The following CACNA1E variants were observed in gnomAD, a reference collection of about 807,000 sequenced individuals.
CACNA1E encodes the protein calcium voltage-gated channel subunit alpha1 E.
A neutral mutation model predicts 259.2 loss-of-function variants in CACNA1E; 40 were observed. The ratio of observed to expected loss-of-function variants is 0.15; its 90% confidence interval spans 0.12 to 0.20. The LOEUF (loss-of-function observed/expected upper bound fraction) is 0.20. Ranked by LOEUF, CACNA1E falls within the 10% of genes least tolerant of loss-of-function variation. The pLI is 1.00. For synonymous variants in CACNA1E, 1,104 were observed against 1,138.5 expected (o/e 0.97, Z 0.61); for missense variants, 1,874 against 3,040.1 (o/e 0.62, Z 9.02).
At chr1:181,575,024 C>T (rs1235865037) in intron 3 of CACNA1E, among the ~76,000 whole-genome samples, 4 of 147,504 alleles carry the variant, frequency 2.7e-5, no homozygotes, top group Non-Finnish European at 6.0e-5. Flanking sequence ...GACTCTGTCT[C>T]AAAAAAAAAA....
chr1:181,771,362 G>A lies in CACNA1E; in HGVS notation c.4951G>A (p.Gly1651Arg). 6.3e-7 allele frequency: 1 copy of A among 1,598,020 alleles called. No individual in the cohort carries two copies. The highest frequency in any genetic ancestry group is 8.6e-7 in the Non-Finnish European group (1 of 1,168,610). The change falls in exon 36 of 48, where the codon GGG (glycine) becomes AGG (arginine). Residue 1651 changes from glycine (G) to arginine (R), a missense_variant. Transcript: ENST00000367573. ...NRHNNFRSFF[G>R]SLMLLFRSAT... is the part of the protein sequence containing the mutation. ...GCACAACAACTTCCGGAGTTTCTTT[G>A]GGTCCCTAATGCTACTCTTCAGGTA...
At chr1:181,728,145 G>A (rs1271428777) in intron 18 of CACNA1E, among the ~76,000 whole-genome samples, 1 of 152,104 alleles carries the variant, frequency 6.6e-6, no homozygotes, top group East Asian at 1.9e-4. Context: ...CATGAGTTTG[G>A]GTTAAAAACA....
chr1:181,599,800 A>C (rs1347170037), intron 6 of CACNA1E, among the ~76,000 whole-genome samples: 3 of 152,234 alleles, frequency 2.0e-5, no homozygotes, highest in Non-Finnish European at 4.4e-5. Flanking sequence ...CACAAAGCCT[A>C]TGTTAAATGA....
At chr1:181,676,793 T>C (rs1649423628) in intron 7 of CACNA1E, among the ~76,000 whole-genome samples, 2 of 152,228 alleles carry the variant, frequency 1.3e-5, no homozygotes, top group South Asian at 4.1e-4. Flanking sequence ...ATTAAATCTA[T>C]TAAGTTTTTA....
chr1:181,452,757 A>G (rs1661242205), intron 2 of CACNA1E, among the ~76,000 whole-genome samples: 1 of 152,200 alleles, frequency 6.6e-6, no homozygotes, highest in Non-Finnish European at 1.5e-5. Flanking sequence ...AGATCTAGCA[A>G]AACACTTCTT....
chr1:181,527,209 A>G lies in CACNA1E; in HGVS notation c.512+15699A>G, dbSNP rs536454177. Among the ~76,000 whole-genome samples, 4 of 152,368 alleles carry G rather than the reference A, an allele frequency of 2.6e-5. No homozygotes were observed. The East Asian group carries it at 5.8e-4, about 22-fold the overall frequency. ...ACTGGGAAGTCCATGATCAAAGCAG[A>G]TTCAGTGCCTGGCAAAGGCCCCTTT... On this transcript the variant is annotated intron_variant, in intron 3 of 47. Transcript: ENST00000367573.
At chr1:181,322,582 A>T (rs186170366) in intron 1 of CACNA1E, among the ~76,000 whole-genome samples, 3 of 152,328 alleles carry the variant, frequency 2.0e-5, no homozygotes, top group Admixed American at 2.0e-4. Flanking sequence ...TATGAATGTC[A>T]TCCTCATCCC....
chr1:181,545,359 A>G (rs1030754444), intron 3 of CACNA1E, among the ~76,000 whole-genome samples: 1 of 152,178 alleles, frequency 6.6e-6, no homozygotes, highest in African/African-American at 2.4e-5. Context: ...CAGTATCTCA[A>G]AGTATTTTGT....
At chr1:181,706,680 A>G (rs1264429914) in intron 7 of CACNA1E, among the ~76,000 whole-genome samples, 1 of 152,224 alleles carries the variant, frequency 6.6e-6, no homozygotes, top group Non-Finnish European at 1.5e-5. Context: ...TTGGGCTGAA[A>G]TGAAATCCCT....
At chr1:181,793,279 TA>T (rs1164972022) in intron 44 of CACNA1E, among the ~76,000 whole-genome samples, 1 of 152,246 alleles carries the variant, frequency 6.6e-6, no homozygotes, top group East Asian at 1.9e-4. Flanking sequence ...ATTTAATTGA[TA>T]AAAGGCTTCT....
At chr1:181,390,957 C>A (rs139996985) in intron 1 of CACNA1E, among the ~76,000 whole-genome samples, 1 of 152,312 alleles carries the variant, frequency 6.6e-6, no homozygotes, top group East Asian at 1.9e-4. Flanking sequence ...TGCCCCTGCC[C>A]TTACCTTTCC....
chr1:181,709,654 G>A (rs188862066), intron 7 of CACNA1E, among the ~76,000 whole-genome samples: 6 of 151,966 alleles, frequency 3.9e-5, no homozygotes, highest in South Asian at 4.2e-4. Flanking sequence ...TTTTTTAAAC[G>A]TCTTGCTCTG....
chr1:181,782,771 G>A (rs1429539826), intron 39 of CACNA1E, among the ~76,000 whole-genome samples: 1 of 152,154 alleles, frequency 6.6e-6, no homozygotes, highest in Non-Finnish European at 1.5e-5. Context: ...CACAGCTTAG[G>A]GGCTGGCATC....
In CACNA1E at chr1:181,732,568, C is replaced by T; in HGVS notation, c.2482C>T (p.Arg828Trp). 4.6e-6 allele frequency: 7 copies of T among 1,538,410 alleles called. No homozygotes were observed. The highest frequency in any genetic ancestry group is 2.5e-5 in the East Asian group (1 of 40,776). ...GCTCAATGCCCACCCCAGCCTTTAT[C>T]GGCGACCCAGGGCCATTGAGGGCCT... ...NPLNAHPSLYRRPRAIEGLAL... is the reference protein window; with the variant it reads ...NPLNAHPSLYWRPRAIEGLAL... The change falls in exon 20 of 48, where the codon CGG becomes TGG. Residue 828 changes from arginine (R) to tryptophan (W), a missense_variant. Physicochemically the swap from Arg to Trp is moderately radical, Grantham distance 101 (BLOSUM62 -3). This residue lies in a region of CACNA1E where 476 missense variants were observed against 514.0 expected (regional missense o/e 0.93). Coordinates refer to ENST00000367573, the MANE Select transcript of CACNA1E (RefSeq NM_001205293.3). The surrounding 1 kb of genome is among the most constrained non-coding windows in gnomAD (Gnocchi z 5.5).
intron 1 of CACNA1E, among the ~76,000 whole-genome samples, chr1:181,497,654 G>A (rs1347930871): frequency 4.6e-5 from 7 of 152,230 alleles, no homozygotes; most frequent in Non-Finnish European, 7.3e-5. Context: ...GTCACAGATA[G>A]ATGTGGTCTG....
At chr1:181,748,785 A>G (rs1453945448) in intron 25 of CACNA1E, among the ~76,000 whole-genome samples, 2 of 152,226 alleles carry the variant, frequency 1.3e-5, no homozygotes, top group African/African-American at 4.8e-5. Context: ...CTTGAGGTCT[A>G]TCTTCCCTAC....
chr1:181,626,385 G>A (rs1226223551), intron 6 of CACNA1E, among the ~76,000 whole-genome samples: 1 of 152,166 alleles, frequency 6.6e-6, no homozygotes, highest in Non-Finnish European at 1.5e-5. Flanking sequence ...TGTCTTAGAT[G>A]TGTGAAAAAA....
intron 1 of CACNA1E, among the ~76,000 whole-genome samples, chr1:181,338,091 TG>T (rs1251114678): frequency 6.6e-6 from 1 of 151,962 alleles, no homozygotes; most frequent in African/African-American, 2.4e-5. Flanking sequence ...GGCTTTTTTT[TG>T]TTTGTTTTTG....
At chr1:181,735,119 C>CG (rs1370929174) in intron 21 of CACNA1E, among the ~76,000 whole-genome samples, 7 of 152,202 alleles carry the variant, frequency 4.6e-5, no homozygotes, top group African/African-American at 1.2e-4. Context: ...CTATAGTCAA[C>CG]GTGCCACTGC....
Sources: allele counts gnomAD v4.1 joint callset (sites outside exome capture counted in the v4.1 genomes callset), GRCh38; gene constraint gnomAD v4.1.1; regional missense constraint gnomAD v4.1.1; non-coding constraint Gnocchi (gnomAD v3.1); transcripts MANE v1.5; gene names NCBI Gene and HGNC (gene_info 2026-07-23, HGNC 2026-07-21).